Variants in ZHX3 observed in about 807,000 individuals in gnomAD.
ZHX3 encodes the protein zinc fingers and homeoboxes protein 3.
In ZHX3, 20 loss-of-function variants were observed where a neutral mutation model predicts 64.5. The observed-to-expected ratio is 0.31, with a 90% CI of 0.22 to 0.45. The LOEUF (loss-of-function observed/expected upper bound fraction) is 0.45, where lower values mean the gene tolerates loss of function less well. Among genes scored for constraint, ZHX3 ranks in the 20% least tolerant of loss-of-function variants. The probability of loss-of-function intolerance (pLI) is 1.00; values close to 1 mark genes in which losing one functional copy is unlikely to be tolerated. For missense variants in ZHX3, 1,041 were observed against 1,195.8 expected, an observed-to-expected ratio of 0.87 and a Z score of 1.91; for synonymous variants, 423 against 461.6, an observed-to-expected ratio of 0.92 and a Z score of 1.07.
At chr20:41,234,870 C>T (rs1257164018) in intron 2 of ZHX3, among the ~76,000 whole-genome samples, 1 of 152,228 alleles carries the variant, frequency 6.6e-6, no homozygotes. Context: ...CTCAGTAAGC[C>T]TTTGTCACTG....
In ZHX3 at chr20:41,182,078, C is replaced by T. The variant is rs796671122; in HGVS notation, c.*3113G>A. The T allele has an allele frequency of 2.6e-5, 4 of 152,238 alleles. No homozygotes were observed. The highest frequency in any genetic ancestry group is 9.6e-5 in the African/African-American group (4 of 41,546). 9.4% of individuals were successfully genotyped at this position (152,238 alleles called of 1,614,324 possible). ...AAAAAAGCTCCTTTATAGTCAAAAACGAAAACAAGTAATCAAAATATACAA... is the reference window on the plus strand; with the variant it reads ...AAAAAAGCTCCTTTATAGTCAAAAATGAAAACAAGTAATCAAAATATACAA... On this transcript the variant is annotated 3_prime_UTR_variant, in exon 4 of 4. Coordinates refer to ENST00000683867, the MANE Select transcript of ZHX3 (RefSeq NM_001384317.1). The surrounding 1 kb of genome is among the most constrained non-coding windows in gnomAD (Gnocchi z 6.1).
At chr20:41,210,306 A>G (rs1307656571) in intron 2 of ZHX3, among the ~76,000 whole-genome samples, 3 of 152,378 alleles carry the variant, frequency 2.0e-5, no homozygotes, top group African/African-American at 7.2e-5. Context: ...TCAAGGATCT[A>G]GAACTAGAAA....
At chr20:41,296,987 G>C (rs2044564269) in intron 1 of ZHX3, among the ~76,000 whole-genome samples, 1 of 152,076 alleles carries the variant, frequency 6.6e-6, no homozygotes, top group Admixed American at 6.5e-5. Context: ...ATAAACCCTG[G>C]TTCCTGCACT....
intron 2 of ZHX3, among the ~76,000 whole-genome samples, chr20:41,242,524 CA>C (rs1317873808): frequency 2.0e-5 from 3 of 152,218 alleles, no homozygotes; most frequent in Admixed American, 2.0e-4. Flanking sequence ...GAGCCACATA[CA>C]CAGCTGTTAG....
In ZHX3 at chr20:41,311,427, C is replaced by A. The variant is rs150123294; in HGVS notation, c.-245+6082G>T. Among the ~76,000 whole-genome samples, 7 of 152,268 alleles carry A rather than the reference C, an allele frequency of 4.6e-5. No homozygotes were observed. The East Asian group carries it at 1.3e-3, about 29-fold the overall frequency. Reference sequence around the variant, plus strand: ...GCAAAGGTAAAATTAGAACACAGAGCCTGAAAGCAAACTATCTATATGCTT... The same window carrying A: ...GCAAAGGTAAAATTAGAACACAGAGACTGAAAGCAAACTATCTATATGCTT... On this transcript the variant is annotated intron_variant, in intron 1 of 3. Coordinates refer to ENST00000683867, the MANE Select transcript of ZHX3 (RefSeq NM_001384317.1).
chr20:41,217,042 T>C lies in ZHX3; in HGVS notation c.-150-11976A>G, dbSNP rs1017320933. On this transcript the variant is annotated intron_variant, in intron 2 of 3. Coordinates refer to ENST00000683867, the MANE Select transcript of ZHX3 (RefSeq NM_001384317.1). ...AAGTGTTCTCCATATATTAAGAAAA[T>C]GGGCTATTCTTTACCTGTCATAGAT... 3.9e-4 allele frequency among the ~76,000 whole-genome samples: 60 copies of C among 152,190 alleles called. 1 individual carries two copies. Among genetic ancestry groups the C allele is most frequent in the Non-Finnish European group, 1.0e-4 (7 of 68,022 alleles).
intron 2 of ZHX3, among the ~76,000 whole-genome samples, chr20:41,261,721 C>A (rs1457554431): frequency 6.6e-6 from 1 of 152,188 alleles, no homozygotes; most frequent in Non-Finnish European, 1.5e-5. Context: ...ATCCTAAGGC[C>A]TTTTAATTTC....
chr20:41,206,618 G>T (rs893954150), intron 2 of ZHX3, among the ~76,000 whole-genome samples: 1 of 152,076 alleles, frequency 6.6e-6, no homozygotes, highest in Non-Finnish European at 1.5e-5. Flanking sequence ...AAAAAGAAAC[G>T]AACAAAGCCT....
At position 41,219,145 on chromosome 20, in the gene ZHX3, G is replaced by A. The variant is rs1179824367; in HGVS notation, c.-150-14079C>T. 6.6e-6 allele frequency among the ~76,000 whole-genome samples: 1 copy of A among 150,836 alleles called. No individual in the cohort carries two copies. Among genetic ancestry groups the A allele is most frequent in the Non-Finnish European group, 1.5e-5 (1 of 67,664 alleles). Reference sequence around the variant, plus strand: ...GGGTTTTCACCGTGTTAGCGAGCATGGTCTCGATCTCCTGACCTCGTGATC... The same window carrying A: ...GGGTTTTCACCGTGTTAGCGAGCATAGTCTCGATCTCCTGACCTCGTGATC... On this transcript the variant is annotated intron_variant, in intron 2 of 3. Transcript: ENST00000683867. This position sits in a 1 kb window ranked among gnomAD's most constrained non-coding sequence, Gnocchi z 5.0.
intron 1 of ZHX3, among the ~76,000 whole-genome samples, chr20:41,309,437 G>A (rs1322403725): frequency 1.3e-5 from 2 of 152,180 alleles, no homozygotes; most frequent in Non-Finnish European, 2.9e-5. Context: ...AGTTCAGTGG[G>A]CCCGGGATAG....
At chr20:41,269,821 T>A (rs1229751530) in intron 1 of ZHX3, among the ~76,000 whole-genome samples, 2 of 151,868 alleles carry the variant, frequency 1.3e-5, no homozygotes, top group African/African-American at 4.8e-5. Flanking sequence ...TAGACTCTAG[T>A]GTATCATGAC....
chr20:41,196,451 A>ATTTATATATAAT (rs1568796888), intron 3 of ZHX3, among the ~76,000 whole-genome samples: 543 of 2,250 alleles, frequency 0.24, 13 homozygotes, highest in Non-Finnish European at 0.29. Flanking sequence ...TATTATATAT[A>ATTTATATATAAT]ATATATTTAT....
intron 1 of ZHX3, among the ~76,000 whole-genome samples, chr20:41,294,244 GAC>G (rs1568953719): frequency 1.3e-5 from 2 of 152,160 alleles, no homozygotes; most frequent in Non-Finnish European, 2.9e-5. Flanking sequence ...CAATTTAGCT[GAC>G]AACAAAATTT....
At chr20:41,302,000 G>C (rs2044829818) in intron 1 of ZHX3, among the ~76,000 whole-genome samples, 1 of 141,210 alleles carries the variant, frequency 7.1e-6, no homozygotes, top group South Asian at 2.2e-4. Flanking sequence ...CTTGCAGTGA[G>C]CCGAGACTGC....
At chr20:41,314,450 ATT>A (rs1251897795) in intron 1 of ZHX3, among the ~76,000 whole-genome samples, 2 of 152,250 alleles carry the variant, frequency 1.3e-5, no homozygotes, top group African/African-American at 4.8e-5. Context: ...TAAAGCTATA[ATT>A]ATATCTCTGG....
intron 1 of ZHX3, among the ~76,000 whole-genome samples, chr20:41,310,801 ATTTTTTTTTTT>A (rs72312127): frequency 2.4e-5 from 2 of 82,140 alleles, no homozygotes; most frequent in Non-Finnish European, 4.3e-5. Context: ...GTTAATTCTG[ATTTTTTTTTTT>A]TTTTTTTTTT....
chr20:41,221,421 A>G (rs575283407), intron 2 of ZHX3, among the ~76,000 whole-genome samples: 2 of 152,334 alleles, frequency 1.3e-5, no homozygotes, highest in African/African-American at 4.8e-5. Flanking sequence ...GAATTTGAGG[A>G]ACAAGTTTGC....
At chr20:41,242,958 C>T (rs1016349640) in intron 2 of ZHX3, among the ~76,000 whole-genome samples, 9 of 152,172 alleles carry the variant, frequency 5.9e-5, no homozygotes, top group Admixed American at 5.9e-4. Context: ...ATACCACTTC[C>T]TCTGTGCTTG....
chr20:41,288,061 C>T (rs551437136), intron 1 of ZHX3, among the ~76,000 whole-genome samples: 1 of 152,250 alleles, frequency 6.6e-6, no homozygotes, highest in South Asian at 2.1e-4. Flanking sequence ...GGGTCTCACC[C>T]TACTGCCCAG....
Sources: allele counts gnomAD v4.1 joint callset (sites outside exome capture counted in the v4.1 genomes callset), GRCh38; gene constraint gnomAD v4.1.1; non-coding constraint Gnocchi (gnomAD v3.1); transcripts MANE v1.5; gene names NCBI Gene and HGNC (gene_info 2026-07-23, HGNC 2026-07-21).